Variants in RALGAPB observed in about 807,000 individuals in gnomAD.
The protein encoded by RALGAPB is ral GTPase-activating protein subunit beta.
RALGAPB carries 25 observed loss-of-function variants against 161.1 expected under a neutral mutation model. The observed-to-expected ratio is 0.16, with a 90% confidence interval of 0.11 to 0.22. The LOEUF (loss-of-function observed/expected upper bound fraction) is 0.22. Ranked by LOEUF, RALGAPB falls within the 10% of genes least tolerant of loss-of-function variation. RALGAPB has a pLI of 1.00. For synonymous variants in RALGAPB, 629 were observed against 626.1 expected (o/e 1.00, Z -0.07); for missense variants, 1,391 against 1,815.2 (o/e 0.77, Z 4.25).
intron 5 of RALGAPB, among the ~76,000 whole-genome samples, chr20:38,507,780 C>A (rs536232155): frequency 6.6e-6 from 1 of 152,094 alleles, no homozygotes; most frequent in South Asian, 2.1e-4. Context: ...TCATTGTAGC[C>A]TCGAACTCCT....
intron 29 of RALGAPB, 45 bp from the exon 30 acceptor site, chr20:38,574,725 CGTAA>C: frequency 6.6e-7 from 1 of 1,516,648 alleles, no homozygotes; most frequent in Middle Eastern, 1.7e-4. Flanking sequence ...AGTTCACCTA[CGTAA>C]GTGACTAGTT....
At chr20:38,567,541 A>G (rs1164515575) in intron 26 of RALGAPB, among the ~76,000 whole-genome samples, 1 of 152,200 alleles carries the variant, frequency 6.6e-6, no homozygotes, top group Admixed American at 6.5e-5. Flanking sequence ...AAGTTACTGC[A>G]GTAACTACAT....
chr20:38,535,043 T>C, intron 15 of RALGAPB, 31 bp from the exon 16 acceptor site: 2 of 1,609,272 alleles, frequency 1.2e-6, no homozygotes, highest in Non-Finnish European at 1.7e-6. Context: ...TTTCCCTCCC[T>C]GTGGGATGTG....
intron 16 of RALGAPB, among the ~76,000 whole-genome samples, chr20:38,536,407 C>G (rs1341313077): frequency 6.6e-6 from 1 of 152,186 alleles, no homozygotes; most frequent in Non-Finnish European, 1.5e-5. Flanking sequence ...AATCTCTAGG[C>G]TGTTGTCAGT....
intron 3 of RALGAPB, among the ~76,000 whole-genome samples, chr20:38,497,094 GT>G (rs906263532): frequency 2.0e-5 from 3 of 152,192 alleles, no homozygotes; most frequent in African/African-American, 4.8e-5. Flanking sequence ...CAGAAGTGAA[GT>G]TTATGTTCTA....
At chr20:38,515,993 A>G (rs1376587186) in intron 6 of RALGAPB, among the ~76,000 whole-genome samples, 199 bp from the exon 7 acceptor site, 1 of 152,244 alleles carries the variant, frequency 6.6e-6, no homozygotes, top group Non-Finnish European at 1.5e-5. Context: ...TGCTTGGAGT[A>G]GGCAATGTTC....
intron 18 of RALGAPB, among the ~76,000 whole-genome samples, chr20:38,541,459 G>A (rs2086962140): frequency 2.6e-5 from 4 of 151,960 alleles, no homozygotes; most frequent in South Asian, 2.1e-4. Context: ...CTGTGTTAGA[G>A]CTAGACTTAC....
rs749082881 is a variant in RALGAPB at position 38,524,889 on chromosome 20, G to A, written c.1731G>A (p.Gly577=). Residue 577 remains glycine, a synonymous_variant, in exon 11 of 30, where the codon GGG becomes GGA. Transcript: ENST00000262879. ...CTTTGTTCTGCTGTGACTTGAAAGG[G>A]ATTGATGTTGTGGTTCCTTACTTTA... ...SPPLFCCDLK[G]IDVVVPYFIS... is the part of the protein sequence containing the mutation. 1 of 1,611,382 alleles carries A rather than the reference G, an allele frequency of 6.2e-7. No homozygotes were observed. Among genetic ancestry groups the A allele is most frequent in the Non-Finnish European group, 8.5e-7 (1 of 1,177,460 alleles).
rs1458659214 is a variant in RALGAPB, at chr20:38,532,837, T to C, written c.2223T>C (p.Ala741=). 1 of 1,614,204 alleles carries C rather than the reference T, an allele frequency of 6.2e-7. No homozygotes were observed. Among genetic ancestry groups the C allele is most frequent in the Non-Finnish European group, 8.5e-7 (1 of 1,180,020 alleles). The change falls in exon 15 of 30, where the codon GCT becomes GCC. Residue 741 remains alanine (A), a synonymous_variant. Transcript: ENST00000262879. ...EPTTPDSERP[A]QALLRDYALN... ...CGACTCCCGATAGTGAGAGACCTGC[T>C]CAAGCTCTCTTAAGAGATTATGGTT... is the stretch of plus-strand genomic sequence containing the variant.
At position 38,499,541 on chromosome 20, in the gene RALGAPB, T is replaced by C. The variant is rs1323312526; in HGVS notation, c.648T>C (p.Tyr216=). 2.5e-6 allele frequency: 4 copies of C among 1,613,940 alleles called. No individual in the cohort carries two copies. In the Admixed American group the frequency reaches 5.0e-5, roughly 20 times the overall value. ...ACTRCFPTPP[Y]WKTAKEMVAN... is the part of the protein sequence containing the mutation. ...CTCGGTGCTTCCCAACACCTCCTTATTGGAAAACAGCCAAGGAGATGGTGG... is the reference window on the plus strand; with the variant it reads ...CTCGGTGCTTCCCAACACCTCCTTACTGGAAAACAGCCAAGGAGATGGTGG... The change falls in exon 5 of 30, where the codon TAT becomes TAC. Residue 216 remains tyrosine (Y), a synonymous_variant. Transcript: ENST00000262879.
In RALGAPB at chr20:38,521,540, A is replaced by C. The variant is rs746470852; in HGVS notation, c.1461A>C (p.Ser487=). 7.4e-6 allele frequency: 12 copies of C among 1,614,082 alleles called. 1 individual carries two copies. In the South Asian group the frequency reaches 8.8e-5, roughly 12 times the overall value. ...GCATGGAGTTTCGACGGAAAGGGTCACAAATGTCCACAGACACCATGGTTT... is the reference window on the plus strand; with the variant it reads ...GCATGGAGTTTCGACGGAAAGGGTCCCAAATGTCCACAGACACCATGGTTT... ...QASMEFRRKG[S]QMSTDTMVSN... Residue 487 remains serine, a synonymous_variant, in exon 10 of 30, where the codon TCA becomes TCC. Coordinates refer to ENST00000262879, the MANE Select transcript of RALGAPB (RefSeq NM_020336.4).
chr20:38,502,592 A>AT (rs150957273), intron 5 of RALGAPB, among the ~76,000 whole-genome samples: 5,883 of 151,544 alleles, frequency 0.039, 178 homozygotes, highest in African/African-American at 0.09. Flanking sequence ...CTTTTATATG[A>AT]TTTTTTTTTG....
chr20:38,483,836 A>G (rs1283654570), intron 1 of RALGAPB, among the ~76,000 whole-genome samples: 1 of 152,100 alleles, frequency 6.6e-6, no homozygotes, highest in Non-Finnish European at 1.5e-5. Context: ...AGGATCTCCA[A>G]GGTTTGTTGC....
intron 2 of RALGAPB, 45 bp downstream of exon 2, chr20:38,488,663 T>A (rs754066187): frequency 2.6e-6 from 4 of 1,543,120 alleles, no homozygotes; most frequent in Non-Finnish European, 3.5e-6. Flanking sequence ...AATGTACATT[T>A]GTTCTTGAAG....
At position 38,551,209 on chromosome 20, in the gene RALGAPB, A is replaced by T; in HGVS notation, c.3148A>T (p.Ile1050Leu). The T allele has an allele frequency of 9.3e-6, 15 of 1,613,830 alleles. No homozygotes were observed. The highest frequency in any genetic ancestry group is 1.2e-5 in the Non-Finnish European group (14 of 1,179,742). ...ADLSIPDLHE[I>L]VTEELEERHE... ...TCTCAGCATTCCAGATTTGCATGAA[A>T]TAGTCACTGAAGAAGTAAGTACATT... The change falls in exon 21 of 30, where the codon ATA becomes TTA. Residue 1050 changes from isoleucine (I) to leucine (L), a missense_variant. This residue lies in a region of RALGAPB where 9 missense variants were observed against 31.0 expected (regional missense o/e 0.29). Coordinates refer to ENST00000262879, the MANE Select transcript of RALGAPB (RefSeq NM_020336.4).
chr20:38,497,563 A>C (rs1286677793), intron 4 of RALGAPB, 47 bp downstream of exon 4: 1 of 1,559,126 alleles, frequency 6.4e-7, no homozygotes, highest in Non-Finnish European at 8.7e-7. Flanking sequence ...CTCCAAATAC[A>C]GTTCATCTTT....
chr20:38,570,829 A>G lies in RALGAPB; in HGVS notation c.4124A>G (p.Asn1375Ser). 6.2e-7 allele frequency: 1 copy of G among 1,606,946 alleles called. No homozygotes were observed. The highest frequency in any genetic ancestry group is 2.2e-5 in the East Asian group (1 of 44,710). Reference protein sequence around the residue: ...EISTGVETTANSSTSLRSTTL... With the variant: ...EISTGVETTASSSTSLRSTTL... ...AGTACTGGTGTGGAAACTACTGCAA[A>G]TAGTAGCACTTCACTGAGGTACACT... Residue 1375 changes from asparagine to serine, a missense_variant, in exon 28 of 30, where the codon AAT (asparagine) becomes AGT (serine). Transcript: ENST00000262879.
At chr20:38,510,293 C>T (rs1219812518) in intron 6 of RALGAPB, among the ~76,000 whole-genome samples, 1 of 152,098 alleles carries the variant, frequency 6.6e-6, no homozygotes, top group East Asian at 1.9e-4. Flanking sequence ...AAGCATCGAG[C>T]CACCGCACCC....
intron 9 of RALGAPB, among the ~76,000 whole-genome samples, chr20:38,519,601 A>C (rs1361912965): frequency 6.6e-6 from 1 of 152,158 alleles, no homozygotes; most frequent in Non-Finnish European, 1.5e-5. Flanking sequence ...CAGACTTCAA[A>C]TCATACGTGA....
Sources: gnomAD v4.1 joint callset for allele counts (sites outside exome capture counted in the v4.1 genomes callset) on GRCh38, gnomAD v4.1.1 for gene constraint, gnomAD v4.1.1 regional missense constraint, MANE v1.5 for transcripts, NCBI Gene and HGNC (gene_info 2026-07-23, HGNC 2026-07-21) for gene names.